The following NBEA variants were observed in gnomAD, a reference collection of about 807,000 sequenced individuals.
NBEA encodes lysosomal-trafficking regulator 2.
A neutral mutation model predicts 343.4 loss-of-function variants in NBEA; 44 were observed. The observed-to-expected ratio is 0.13, with a 90% CI of 0.10 to 0.16. NBEA has a LOEUF of 0.16. Ranked by LOEUF, NBEA falls within the 10% of genes least tolerant of loss-of-function variation. The pLI is 1.00. For missense variants in NBEA, 2,555 were observed against 3,631.3 expected (o/e 0.70, Z 7.62); for synonymous variants, 1,175 against 1,238.7 (o/e 0.95, Z 1.08).
At chr13:35,446,271 A>T (rs182686543) in intron 39 of NBEA, among the ~76,000 whole-genome samples, 5 of 152,308 alleles carry the variant, frequency 3.3e-5, no homozygotes, top group Non-Finnish European at 2.9e-5. Flanking sequence ...GTGCCACAAT[A>T]AACATACGTG....
At chr13:35,499,447 T>G (rs900219590) in intron 41 of NBEA, among the ~76,000 whole-genome samples, 3 of 152,032 alleles carry the variant, frequency 2.0e-5, no homozygotes, top group African/African-American at 4.8e-5. Flanking sequence ...TCTCCAAAGC[T>G]CTCTTGATCA....
chr13:35,081,653 A>C (rs756418173), intron 10 of NBEA, among the ~76,000 whole-genome samples: 1 of 151,922 alleles, frequency 6.6e-6, no homozygotes, highest in Admixed American at 6.6e-5. Flanking sequence ...ATAACTTTTT[A>C]TTTTTTACCT....
chr13:35,426,900 A>G (rs1468275098), intron 38 of NBEA, among the ~76,000 whole-genome samples: 1 of 151,420 alleles, frequency 6.6e-6, no homozygotes, highest in African/African-American at 2.4e-5. Context: ...TTTATCTTCC[A>G]TCGCTTTCTT....
At chr13:35,080,397 C>G (rs1399201720) in intron 10 of NBEA, among the ~76,000 whole-genome samples, 3 of 152,052 alleles carry the variant, frequency 2.0e-5, no homozygotes, top group Non-Finnish European at 4.4e-5. Flanking sequence ...TGAGTGGGGT[C>G]TTACGTATCT....
chr13:35,670,632 C>T (rs1157067426), intron 58 of NBEA, among the ~76,000 whole-genome samples: 14 of 152,340 alleles, frequency 9.2e-5, no homozygotes, highest in Admixed American at 2.0e-4. Flanking sequence ...GGGCACCCAG[C>T]GGAGGCTGGA....
At chr13:35,272,394 C>G (rs765507144) in intron 34 of NBEA, among the ~76,000 whole-genome samples, 1 of 152,070 alleles carries the variant, frequency 6.6e-6, no homozygotes, top group African/African-American at 2.4e-5. Flanking sequence ...CCAGCCACTG[C>G]GAAAACATGC....
At chr13:35,628,034 T>G (rs753479184) in intron 48 of NBEA, 47 bp from the exon 49 acceptor site, 1 of 1,428,766 alleles carries the variant, frequency 7.0e-7, no homozygotes, top group Admixed American at 2.1e-5. Context: ...GATATGAAGG[T>G]GTACTAAGTT....
intron 1 of NBEA, among the ~76,000 whole-genome samples, chr13:34,960,694 G>A (rs965831396): frequency 3.9e-5 from 6 of 152,058 alleles, no homozygotes; most frequent in South Asian, 2.1e-4. Flanking sequence ...GTAACATGCT[G>A]TGCAGGTTTG....
chr13:35,455,099 ATTAGAGTTCTTAGATT>A, intron 40 of NBEA, among the ~76,000 whole-genome samples: 1 of 151,958 alleles, frequency 6.6e-6, no homozygotes, highest in African/African-American at 2.4e-5. Context: ...TATAAAAGTA[ATTAGAGTTCTTAGATT>A]TTAGAATATA....
chr13:35,670,977 C>T lies in NBEA; in HGVS notation c.8890C>T (p.Gln2964Ter). The change falls in exon 59 of 59, where the codon CAG becomes TAG. Residue 2964 changes from glutamine (Q) to a stop codon, truncating the protein, a stop_gained. Coordinates refer to ENST00000379939, the MANE Select transcript of NBEA (RefSeq NM_001385012.1). LOFTEE classifies it high-confidence loss of function. ...IDFNRWHYEHQNRY is the reference protein window; with the variant it reads ...IDFNRWHYEH ...TTTTAATCGGTGGCATTATGAGCAT[C>T]AGAACAGATACTGAAGATAAAGGAA... is the stretch of plus-strand genomic sequence containing the variant. The T allele has an allele frequency of 6.3e-7, 1 of 1,577,484 alleles. No homozygotes were observed. Among genetic ancestry groups the T allele is most frequent in the Non-Finnish European group, 8.6e-7 (1 of 1,159,854 alleles).
chr13:35,250,215 T>C (rs987150133), intron 34 of NBEA, among the ~76,000 whole-genome samples: 11 of 152,272 alleles, frequency 7.2e-5, no homozygotes, highest in Admixed American at 2.0e-4. Flanking sequence ...TATGTGTATT[T>C]TACTACAATT....
chr13:35,469,993 G>A (rs2075572601), intron 40 of NBEA, among the ~76,000 whole-genome samples: 1 of 152,188 alleles, frequency 6.6e-6, no homozygotes, highest in Admixed American at 6.5e-5. Flanking sequence ...ATTCTGTAGT[G>A]GATTAACTCT....
chr13:35,665,210 T>C (rs1228457203), intron 56 of NBEA, 24 bp downstream of exon 56: 34 of 1,531,044 alleles, frequency 2.2e-5, no homozygotes, highest in Non-Finnish European at 3.0e-5. Context: ...TCTTTCATTT[T>C]CAATGTCTAG....
chr13:35,116,940 G>A (rs2066524475), intron 13 of NBEA, among the ~76,000 whole-genome samples: 2 of 151,898 alleles, frequency 1.3e-5, no homozygotes, highest in African/African-American at 4.8e-5. Flanking sequence ...AAGTGACATA[G>A]AAGAAATAGG....
chr13:35,350,692 A>T (rs913054759), intron 37 of NBEA, among the ~76,000 whole-genome samples: 13 of 150,256 alleles, frequency 8.7e-5, no homozygotes, highest in Non-Finnish European at 3.0e-5. Flanking sequence ...TTAACCTGAA[A>T]TGTTTATATC....
At chr13:35,661,632 G>A (rs1401466447) in intron 55 of NBEA, among the ~76,000 whole-genome samples, 1 of 152,094 alleles carries the variant, frequency 6.6e-6, no homozygotes. Context: ...TGAGGAGTTG[G>A]GGTCTTGATA....
At chr13:35,055,175 G>A (rs1174809656) in intron 6 of NBEA, among the ~76,000 whole-genome samples, 4 of 152,014 alleles carry the variant, frequency 2.6e-5, no homozygotes, top group Admixed American at 1.3e-4. Context: ...ACTTCAGAAA[G>A]CATACTTGTT....
Position 35,156,153 on chromosome 13 carries a change from T to C in NBEA, c.2598T>C (p.Arg866=), listed in dbSNP as rs1161375542. The C allele has an allele frequency of 2.5e-6, 4 of 1,591,212 alleles. No individual in the cohort carries two copies. The highest frequency in any genetic ancestry group is 3.4e-6 in the Non-Finnish European group (4 of 1,169,636). The change falls in exon 20 of 59, where the codon CGT becomes CGC. Residue 866 remains arginine, a synonymous_variant. Transcript: ENST00000379939. ...GTGCAGAGCTGATGGAAGTTCGTCGTTTATTTTTATCTGATATGATAAAAC... is the reference window on the plus strand; with the variant it reads ...GTGCAGAGCTGATGGAAGTTCGTCGCTTATTTTTATCTGATATGATAAAAC... ...TPSAELMEVR[R]LFLSDMIKLF...
At chr13:35,274,954 C>G (rs2034468683) in intron 34 of NBEA, among the ~76,000 whole-genome samples, 1 of 152,100 alleles carries the variant, frequency 6.6e-6, no homozygotes. Flanking sequence ...AGATTCAATG[C>G]TATTACCATC....
Sources: allele counts gnomAD v4.1 joint callset (sites outside exome capture counted in the v4.1 genomes callset), GRCh38; gene constraint gnomAD v4.1.1; transcripts MANE v1.5; gene names NCBI Gene and HGNC (gene_info 2026-07-23, HGNC 2026-07-21).